The following LILRB1 variants were observed in gnomAD, a reference collection of about 807,000 sequenced individuals.
LILRB1 encodes leukocyte immunoglobulin like receptor B1, also known as leukocyte immunoglobulin-like receptor subfamily B member 1.
A neutral mutation model predicts 74.6 loss-of-function variants in LILRB1; 59 were observed. The ratio of observed to expected loss-of-function variants is 0.79; its 90% CI spans 0.64 to 0.98. The LOEUF is 0.98. LILRB1 is among the 50% of genes least tolerant of loss of function. The pLI is 0.00. For missense variants in LILRB1, 804 were observed against 822.6 expected (o/e 0.98, Z 0.28); for synonymous variants, 328 against 333.9 (o/e 0.98, Z 0.19).
At position 54,635,107 on chromosome 19, in the gene LILRB1, A is replaced by G. The variant is rs1333634148; in HGVS notation, c.1490A>G (p.Gln497Arg). 1.9e-6 allele frequency: 3 copies of G among 1,571,174 alleles called. No homozygotes were observed. The highest frequency in any genetic ancestry group is 1.8e-4 in the Middle Eastern group (1 of 5,688). ...RRQGKHWTST[Q>R]RKADFQHPAG... ...GGCTCTGTCCTTCTTCCCCCAGCCC[A>G]GAGAAAGGCTGATTTCCAACATCCT... The change falls in exon 11 of 15, where the codon CAG becomes CGG. Residue 497 changes from glutamine to arginine, a missense_variant. Transcript: ENST00000324602.
At position 54,632,194 on chromosome 19, in the gene LILRB1, T is replaced by C. The variant is rs909027289; in HGVS notation, c.618T>C (p.Tyr206=). Residue 206 remains tyrosine, a synonymous_variant, in exon 5 of 15, where the codon TAT becomes TAC. Transcript: ENST00000324602. ...ATGCTTATGACTCGAACTCTCCCTA[T>C]GAGTGGTCTCTACCCAGTGATCTCC... is the stretch of plus-strand genomic sequence containing the variant. ...RCYAYDSNSP[Y]EWSLPSDLLE... 6.2e-7 allele frequency: 1 copy of C among 1,613,990 alleles called. No individual in the cohort carries two copies. The highest frequency in any genetic ancestry group is 8.5e-7 in the Non-Finnish European group (1 of 1,179,984).
Position 54,634,678 on chromosome 19 carries a change from G to C in LILRB1, c.1401G>C (p.Leu467Phe). 6.2e-7 allele frequency: 1 copy of C among 1,613,882 alleles called. No homozygotes were observed. The highest frequency in any genetic ancestry group is 1.1e-5 in the South Asian group (1 of 91,056). Residue 467 changes from leucine (L) to phenylalanine (F), a missense_variant, in exon 10 of 15, where the codon TTG becomes TTC. By Grantham distance (22) the Leu-to-Phe change is conservative. Transcript: ENST00000324602. ...ACCTGGGGGTTGTGATCGGCATCTT[G>C]GTGGCCGTCATCCTACTGCTCCTCC... ...GRHLGVVIGI[L>F]VAVILLLLLL...
At chr19:54,636,674 C>A in intron 14 of LILRB1, 22 bp downstream of exon 14, 1 of 1,597,254 alleles carries the variant, frequency 6.3e-7, no homozygotes, top group Non-Finnish European at 8.5e-7. Flanking sequence ...CCTCTCCAGG[C>A]CCCCAGGCCT....
intron 9 of LILRB1, chr19:54,634,223 G>T: frequency 2.0e-6 from 3 of 1,497,362 alleles, no homozygotes; most frequent in South Asian, 1.3e-5. Flanking sequence ...GTGACCTCCT[G>T]GGAGAGGAGG....
intron 13 of LILRB1, chr19:54,635,821 A>T (rs1599868860): frequency 5.6e-6 from 4 of 714,174 alleles, no homozygotes; most frequent in Non-Finnish European, 5.2e-6. Context: ...CCTGCTCCTC[A>T]TCCTCTGTTT....
Position 54,631,546 on chromosome 19 carries a change from C to T in LILRB1, c.117C>T (p.Ile39=). Residue 39 remains isoleucine, a synonymous_variant, in exon 4 of 15, where the codon ATC becomes ATT. Transcript: ENST00000324602. ...PTLWAEPGSV[I]TQGSPVTLRC... The stretch of plus-strand genomic sequence containing the variant: ...TCTGGGCTGAACCAGGCTCTGTGAT[C>T]ACCCAGGGGAGTCCTGTGACCCTCA... The T allele has an allele frequency of 6.2e-7, 1 of 1,614,056 alleles. No individual in the cohort carries two copies. Among genetic ancestry groups the T allele is most frequent in the Non-Finnish European group, 8.5e-7 (1 of 1,179,950 alleles).
rs58196897 is a variant in LILRB1 at position 54,618,896 on chromosome 19, T to G, written c.-166+1547T>G. On this transcript the variant is annotated intron_variant, in intron 1 of 15. Coordinates refer to the LILRB1 transcript ENST00000396331. ...AATCTAGGTAAACTATTAAATAAGT[T>G]TATCAAGTAAATGCAATGGAATAAA... Among the ~76,000 whole-genome samples, 704 of 152,288 alleles carry G rather than the reference T, an allele frequency of 4.6e-3. 3 individuals carry two copies. The highest frequency in any genetic ancestry group is 0.016 in the African/African-American group (673 of 41,556).
At position 54,631,287 on chromosome 19, in the gene LILRB1, C is replaced by T. The variant is rs762051973; in HGVS notation, c.51C>T (p.Pro17=). The T allele has an allele frequency of 5.0e-6, 8 of 1,613,516 alleles. No individual in the cohort carries two copies. The East Asian group carries it at 1.3e-4, about 27-fold the overall frequency. ...VLICLGLSLG[P]RTHVQAGHLP... ...CTCTTCCAGGGCTGAGTCTGGGCCCCCGGACCCACGTGCAGGCAGGTGAGT... is the reference window on the plus strand; with the variant it reads ...CTCTTCCAGGGCTGAGTCTGGGCCCTCGGACCCACGTGCAGGCAGGTGAGT... Residue 17 remains proline (P), a synonymous_variant, in exon 3 of 15, where the codon CCC becomes CCT. Coordinates refer to ENST00000324602, the MANE Select transcript of LILRB1 (RefSeq NM_001081637.3).
Position 54,633,704 on chromosome 19 carries a change from T to C in LILRB1, c.1312+16T>C. The C allele has an allele frequency of 1.2e-6, 2 of 1,612,488 alleles. No individual in the cohort carries two copies. Among genetic ancestry groups the C allele is most frequent in the Non-Finnish European group, 1.7e-6 (2 of 1,179,286 alleles). ...TCCACATCTGGTGAGTCCCTGAGGC[T>C]TCTGAACTCAAGGGAGTGCGGCCTC... On this transcript the variant is annotated intron_variant, in intron 8 of 14. Coordinates refer to ENST00000324602, the MANE Select transcript of LILRB1 (RefSeq NM_001081637.3).
chr19:54,630,973 G>A (rs1430273459), intron 1 of LILRB1, 53 bp from the exon 2 acceptor site: 1 of 1,613,860 alleles, frequency 6.2e-7, no homozygotes, highest in Non-Finnish European at 8.5e-7. Context: ...CCCATGAGAA[G>A]AAGGACCCAG....
intron 6 of LILRB1, 88 bp downstream of exon 6, chr19:54,632,848 A>C: frequency 8.0e-7 from 1 of 1,245,054 alleles, no homozygotes; most frequent in Admixed American, 2.2e-5. Context: ...GGGATGAGGG[A>C]TGGGGGTCCC....
At position 54,637,257 on chromosome 19, in the gene LILRB1, G is replaced by A. The variant is rs1366439822; in HGVS notation, c.*379G>A. On this transcript the variant is annotated 3_prime_UTR_variant, in exon 15 of 15. Coordinates refer to ENST00000324602, the MANE Select transcript of LILRB1 (RefSeq NM_001081637.3). Reference sequence around the variant, plus strand: ...TATAAGAAATTTAGGGCAGGGCACGGTGGCTCACGCCTGTAATTCCAGCAC... The same window carrying A: ...TATAAGAAATTTAGGGCAGGGCACGATGGCTCACGCCTGTAATTCCAGCAC... The A allele has an allele frequency of 9.8e-6, 2 of 203,684 alleles. No homozygotes were observed. The highest frequency in any genetic ancestry group is 2.0e-5 in the Non-Finnish European group (2 of 99,540). The allele number at this position is 203,684 out of a possible 1,614,324, so 12.6% of individuals were successfully genotyped here.
chr19:54,620,857 T>C (rs2063437422), intron 1 of LILRB1, among the ~76,000 whole-genome samples: 1 of 152,040 alleles, frequency 6.6e-6, no homozygotes, highest in Non-Finnish European at 1.5e-5. Context: ...ATGAGTGCAG[T>C]TGTCTTATTT....
intron 1 of LILRB1, among the ~76,000 whole-genome samples, chr19:54,624,691 T>G (rs1310353826): frequency 6.6e-6 from 1 of 151,888 alleles, no homozygotes; most frequent in Non-Finnish European, 1.5e-5. Flanking sequence ...CTGGACAGCG[T>G]GTGTGAGTCC....
In LILRB1 at chr19:54,636,576, C is replaced by T. The variant is rs745478775; in HGVS notation, c.1736C>T (p.Pro579Leu). The T allele has an allele frequency of 6.2e-7, 1 of 1,611,288 alleles. No individual in the cohort carries two copies. Among genetic ancestry groups the T allele is most frequent in the African/African-American group, 1.3e-5 (1 of 74,882 alleles). Residue 579 changes from proline (P) to leucine (L), a missense_variant, in exon 14 of 15, where the codon CCT becomes CTT. Transcript: ENST00000324602. ...AGACCTAGGAGAGAAATGGCCTCTC[C>T]TCCTTCCCCACTGTCTGGGGAATTC... is the stretch of plus-strand genomic sequence containing the variant. ...HSRPRREMAS[P>L]PSPLSGEFLD...
chr19:54,626,636 G>C (rs77364460), upstream of LILRB1, among the ~76,000 whole-genome samples: 1 of 152,160 alleles, frequency 6.6e-6, no homozygotes. Context: ...TAAATGTGTT[G>C]ATATGATTTA....
In LILRB1 at chr19:54,633,179, A is replaced by C. The variant is rs764311342; in HGVS notation, c.1122A>C (p.Gln374His). The C allele has an allele frequency of 1.9e-6, 3 of 1,614,070 alleles. No homozygotes were observed. The highest frequency in any genetic ancestry group is 2.2e-5 in the South Asian group (2 of 91,094). The change falls in exon 7 of 15, where the codon CAA becomes CAC. Residue 374 changes from glutamine to histidine, a missense_variant. Physicochemically the swap from Gln to His is conservative, Grantham distance 24 (BLOSUM62 0). Coordinates refer to ENST00000324602, the MANE Select transcript of LILRB1 (RefSeq NM_001081637.3). ...DDPWRLRSTYQSQKYQAEFPM... is the reference protein window; with the variant it reads ...DDPWRLRSTYHSQKYQAEFPM... ...CATGGCGTCTAAGATCAACGTACCA[A>C]TCTCAAAAATACCAGGCTGAATTCC...
intron 13 of LILRB1, 73 bp downstream of exon 13, chr19:54,635,682 C>T (rs1418246715): frequency 3.9e-6 from 6 of 1,528,396 alleles, no homozygotes; most frequent in East Asian, 4.5e-5. Flanking sequence ...ACTTCTCTGT[C>T]CTCCTTCCCC....
At position 54,633,075 on chromosome 19, in the gene LILRB1, G is replaced by C. The variant is rs2064046881; in HGVS notation, c.1018G>C (p.Glu340Gln). ...VQPGPTVASG[E>Q]NVTLLCQSQG... The stretch of plus-strand genomic sequence containing the variant: ...GCCGGGCCCCACGGTGGCCTCAGGA[G>C]AGAACGTGACCCTGCTGTGTCAGTC... The change falls in exon 7 of 15, where the codon GAG (glutamate) becomes CAG (glutamine). Residue 340 changes from glutamate to glutamine, a missense_variant. By Grantham distance (29) the Glu-to-Gln change is conservative. Coordinates refer to ENST00000324602, the MANE Select transcript of LILRB1 (RefSeq NM_001081637.3). The C allele has an allele frequency of 1.2e-6, 2 of 1,614,120 alleles. No individual in the cohort carries two copies. Among genetic ancestry groups the C allele is most frequent in the Admixed American group, 3.3e-5 (2 of 60,016 alleles).
Sources: gnomAD v4.1 joint callset for allele counts (sites outside exome capture counted in the v4.1 genomes callset) on GRCh38, gnomAD v4.1.1 for gene constraint, MANE v1.5 for transcripts, NCBI Gene and HGNC (gene_info 2026-07-23, HGNC 2026-07-21) for gene names.